The following PLCXD3 variants were observed in gnomAD, a reference collection of about 807,000 sequenced individuals.
PLCXD3 encodes PI-PLC X domain-containing protein 3.
In PLCXD3, 19 loss-of-function variants were observed where a neutral mutation model predicts 25.5. The observed-to-expected ratio is 0.75, with a 90% CI of 0.52 to 1.09. The LOEUF (loss-of-function observed/expected upper bound fraction) is 1.09. PLCXD3 is among the 50% of genes least tolerant of loss of function. The probability of loss-of-function intolerance (pLI) is 0.00; values close to 1 mark genes in which losing one functional copy is unlikely to be tolerated. For synonymous variants in PLCXD3, 174 were observed against 137.6 expected, an observed-to-expected ratio of 1.26 and a Z score of -1.85; for missense variants, 411 against 388.1, an observed-to-expected ratio of 1.06 and a Z score of -0.50.
At chr5:41,450,820 T>C (rs1436607157) in intron 1 of PLCXD3, among the ~76,000 whole-genome samples, 1 of 152,030 alleles carries the variant, frequency 6.6e-6, no homozygotes, top group African/African-American at 2.4e-5. Flanking sequence ...TTCAAGGGAT[T>C]CTATACGCAG....
At chr5:41,504,736 C>T (rs1011643792) in intron 1 of PLCXD3, among the ~76,000 whole-genome samples, 1 of 152,144 alleles carries the variant, frequency 6.6e-6, no homozygotes, top group African/African-American at 2.4e-5. Flanking sequence ...AAAGCTTTCC[C>T]AAAACAGGAA....
At chr5:41,379,544 G>T (rs1341251012) in intron 2 of PLCXD3, among the ~76,000 whole-genome samples, 5 of 152,040 alleles carry the variant, frequency 3.3e-5, no homozygotes, top group Non-Finnish European at 7.4e-5. Context: ...TGAAAGAAAA[G>T]AAGTGAAAAA....
At chr5:41,494,241 G>A (rs1215553814) in intron 1 of PLCXD3, among the ~76,000 whole-genome samples, 1 of 152,186 alleles carries the variant, frequency 6.6e-6, no homozygotes, top group Admixed American at 6.5e-5. Context: ...GACTGCAGGT[G>A]TGGAGGGTTT....
At chr5:41,383,584 C>T (rs1580340063) in intron 1 of PLCXD3, among the ~76,000 whole-genome samples, 1 of 152,044 alleles carries the variant, frequency 6.6e-6, no homozygotes, top group African/African-American at 2.4e-5. Context: ...AAATTTCATA[C>T]ATTAGAGGGT....
Position 41,510,599 on chromosome 5 carries a change from A to G in PLCXD3, c.-73T>C. ...GCTGGCAGGCTGCTGCCGCTAATCCAATGTTTGCTCTAGCCCCGCTAGAGT... is the reference window on the plus strand; with the variant it reads ...GCTGGCAGGCTGCTGCCGCTAATCCGATGTTTGCTCTAGCCCCGCTAGAGT... On this transcript the variant is annotated 5_prime_UTR_variant, in exon 1 of 3. Transcript: ENST00000377801. 2.5e-6 allele frequency: 3 copies of G among 1,208,912 alleles called. No individual in the cohort carries two copies. Among genetic ancestry groups the G allele is most frequent in the Non-Finnish European group, 3.6e-6 (3 of 832,952 alleles). The allele number at this position is 1,208,912 out of a possible 1,614,324, so 74.9% of individuals were successfully genotyped here.
intron 1 of PLCXD3, 27 bp downstream of exon 1, chr5:41,510,397 C>G: frequency 6.3e-7 from 1 of 1,579,878 alleles, no homozygotes; most frequent in Non-Finnish European, 8.6e-7. Context: ...GCGCCGAGCG[C>G]CTAGCCCGCA....
intron 2 of PLCXD3, among the ~76,000 whole-genome samples, chr5:41,322,146 C>T (rs1743491141): frequency 6.6e-6 from 1 of 152,124 alleles, no homozygotes; most frequent in Non-Finnish European, 1.5e-5. Flanking sequence ...AGAGACAACC[C>T]ACAGAATGGG....
intron 2 of PLCXD3, among the ~76,000 whole-genome samples, chr5:41,370,838 G>A (rs1359616742): frequency 6.6e-6 from 1 of 152,126 alleles, no homozygotes; most frequent in Non-Finnish European, 1.5e-5. Context: ...CTTGTGCCCT[G>A]AATGAATTGT....
rs150976108 is a variant in PLCXD3, at chr5:41,491,416, T to G, written c.103+19008A>C. 9.7e-4 allele frequency among the ~76,000 whole-genome samples: 148 copies of G among 152,316 alleles called. 5 individuals are homozygous for G. The highest frequency in any genetic ancestry group is 3.5e-3 in the African/African-American group (144 of 41,566). Reference sequence around the variant, plus strand: ...TGAAAAGAATGTATATTCTGTTGATTTGAGGTGGAGAGTTCTGTAGATGTC... The same window carrying G: ...TGAAAAGAATGTATATTCTGTTGATGTGAGGTGGAGAGTTCTGTAGATGTC... On this transcript the variant is annotated intron_variant, in intron 1 of 2. Transcript: ENST00000377801.
chr5:41,330,348 G>T (rs560551356), intron 2 of PLCXD3, among the ~76,000 whole-genome samples: 11 of 152,284 alleles, frequency 7.2e-5, no homozygotes, highest in African/African-American at 2.6e-4. Flanking sequence ...AAATCAAGAA[G>T]AAATGGATAA....
At chr5:41,423,800 T>C (rs1746884826) in intron 1 of PLCXD3, among the ~76,000 whole-genome samples, 1 of 152,026 alleles carries the variant, frequency 6.6e-6, no homozygotes, top group African/African-American at 2.4e-5. Flanking sequence ...TTATTGAGTT[T>C]TGATCTTTCC....
At chr5:41,330,017 T>C (rs962016702) in intron 2 of PLCXD3, among the ~76,000 whole-genome samples, 3 of 151,956 alleles carry the variant, frequency 2.0e-5, no homozygotes. Context: ...GGGCGAACAA[T>C]TGTGGATAAT....
At chr5:41,403,806 G>A (rs1163018853) in intron 1 of PLCXD3, among the ~76,000 whole-genome samples, 1 of 147,082 alleles carries the variant, frequency 6.8e-6, no homozygotes, top group East Asian at 2.0e-4. Context: ...GTCTATCATT[G>A]TTGGACATTT....
chr5:41,451,050 A>C (rs1356206641), intron 1 of PLCXD3, among the ~76,000 whole-genome samples: 1 of 152,038 alleles, frequency 6.6e-6, no homozygotes, highest in East Asian at 1.9e-4. Flanking sequence ...CCAAGCCAGG[A>C]GCAGTTTCCC....
At chr5:41,489,947 C>G (rs1301444081) in intron 1 of PLCXD3, among the ~76,000 whole-genome samples, 3 of 151,790 alleles carry the variant, frequency 2.0e-5, no homozygotes, top group African/African-American at 7.3e-5. Flanking sequence ...GCCTAATTGC[C>G]CTGGCCAGAA....
chr5:41,385,785 G>A (rs1745615081), intron 1 of PLCXD3, among the ~76,000 whole-genome samples: 1 of 152,068 alleles, frequency 6.6e-6, no homozygotes, highest in African/African-American at 2.4e-5. Context: ...CTGCCATGTT[G>A]GAGAGGCCCA....
intron 2 of PLCXD3, among the ~76,000 whole-genome samples, chr5:41,351,248 T>A (rs1744451580): frequency 6.6e-6 from 1 of 152,144 alleles, no homozygotes; most frequent in South Asian, 2.1e-4. Flanking sequence ...GCTTTCATCA[T>A]GCCACACACC....
At chr5:41,383,537 C>A (rs1048516760) in intron 1 of PLCXD3, among the ~76,000 whole-genome samples, 3 of 152,038 alleles carry the variant, frequency 2.0e-5, no homozygotes, top group Non-Finnish European at 2.9e-5. Flanking sequence ...TTAGGCATAA[C>A]CCACTGAAGA....
At chr5:41,484,521 G>C (rs562105795) in intron 1 of PLCXD3, among the ~76,000 whole-genome samples, 1 of 152,072 alleles carries the variant, frequency 6.6e-6, no homozygotes, top group South Asian at 2.1e-4. Context: ...CTATTACATT[G>C]CTTAAATGGC....
Sources: gnomAD v4.1 joint callset for allele counts (sites outside exome capture counted in the v4.1 genomes callset) on GRCh38, gnomAD v4.1.1 for gene constraint, MANE v1.5 for transcripts, NCBI Gene and HGNC (gene_info 2026-07-23, HGNC 2026-07-21) for gene names.